ADAM10: variants seen among roughly 807,000 people sequenced by gnomAD.
ADAM10 encodes disintegrin and metalloproteinase domain-containing protein 10.
A neutral mutation model predicts 90.1 loss-of-function variants in ADAM10; 17 were observed. The observed-to-expected ratio is 0.19, with a 90% CI of 0.13 to 0.28. The LOEUF is 0.28. Ranked by LOEUF, ADAM10 falls within the 10% of genes least tolerant of loss-of-function variation. The pLI, the probability that ADAM10 is intolerant of heterozygous loss-of-function variation, is 1.00. For synonymous variants in ADAM10, 310 were observed against 298.6 expected (o/e 1.04, Z -0.40); for missense variants, 610 against 914.3 (o/e 0.67, Z 4.29).
chr15:58,695,488 TAC>T (rs1897950703), intron 2 of ADAM10, among the ~76,000 whole-genome samples: 2 of 152,186 alleles, frequency 1.3e-5, no homozygotes, highest in African/African-American at 2.4e-5. Flanking sequence ...TTTACACATT[TAC>T]AGTTACTATA....
At chr15:58,694,280 G>T (rs1024614494) in intron 2 of ADAM10, among the ~76,000 whole-genome samples, 1 of 152,088 alleles carries the variant, frequency 6.6e-6, no homozygotes, top group Non-Finnish European at 1.5e-5. Flanking sequence ...TTGAAACCCC[G>T]TCTGTACTAA....
intron 14 of ADAM10, among the ~76,000 whole-genome samples, chr15:58,607,421 C>T (rs1427568492): frequency 6.6e-6 from 1 of 152,094 alleles, no homozygotes; most frequent in African/African-American, 2.4e-5. Context: ...GAAGTTTAAA[C>T]GATTTATTTA....
chr15:58,665,317 G>T, intron 4 of ADAM10, 120 bp from the exon 5 acceptor site: 1 of 825,976 alleles, frequency 1.2e-6, no homozygotes, highest in Non-Finnish European at 2.1e-6. Flanking sequence ...TGCTTATTAA[G>T]CACCTATGGA....
At chr15:58,636,314 G>T (rs1338520347) in intron 8 of ADAM10, among the ~76,000 whole-genome samples, 1 of 151,838 alleles carries the variant, frequency 6.6e-6, no homozygotes, top group African/African-American at 2.4e-5. Context: ...TTTGTTGCAG[G>T]CTAATAGCAT....
chr15:58,674,188 C>T (rs1483146539), intron 4 of ADAM10, among the ~76,000 whole-genome samples: 1 of 152,114 alleles, frequency 6.6e-6, no homozygotes, highest in East Asian at 1.9e-4. Flanking sequence ...ATTTATACTT[C>T]CCAAGAGATT....
At chr15:58,676,164 A>T in intron 4 of ADAM10, 1 of 387,454 alleles carries the variant, frequency 2.6e-6, no homozygotes. Flanking sequence ...AAGCCCCAGA[A>T]ATCCTTGAAG....
Position 58,688,690 on chromosome 15 carries a change from A to T in ADAM10, c.207-6376T>A, listed in dbSNP as rs541412791. Among the ~76,000 whole-genome samples, 89 of 149,340 alleles carry T rather than the reference A, an allele frequency of 6.0e-4. 1 individual carries two copies. Among genetic ancestry groups the T allele is most frequent in the Non-Finnish European group, 1.1e-3 (77 of 67,480 alleles). ...AGGGAAGGGGAGGGACAGGGAAGAG[A>T]GGAGAGAGGGAAAGGAATGAGAGGG... On this transcript the variant is annotated intron_variant, in intron 2 of 15. Coordinates refer to ENST00000260408, the MANE Select transcript of ADAM10 (RefSeq NM_001110.4).
chr15:58,605,256 C>T (rs1895236887), intron 14 of ADAM10, among the ~76,000 whole-genome samples: 2 of 152,154 alleles, frequency 1.3e-5, no homozygotes, highest in Admixed American at 6.5e-5. Flanking sequence ...TGGCTTTCTT[C>T]TAAATTTTTT....
At chr15:58,667,107 C>T (rs1266165036) in intron 4 of ADAM10, among the ~76,000 whole-genome samples, 2 of 152,076 alleles carry the variant, frequency 1.3e-5, no homozygotes, top group African/African-American at 4.8e-5. Context: ...CACTGTAGTT[C>T]CCCTGAAAAG....
At position 58,596,499 on chromosome 15, in the gene ADAM10, T is replaced by G. The variant is rs1894954952; in HGVS notation, c.*1048A>C. ...TTACCAATGATCAGTGATGATATGC[T>G]GAAAAAACCGTTTAAATATTTTGAT... is the stretch of plus-strand genomic sequence containing the variant. On this transcript the variant is annotated 3_prime_UTR_variant, in exon 16 of 16. Coordinates refer to ENST00000260408, the MANE Select transcript of ADAM10 (RefSeq NM_001110.4). 6.6e-6 allele frequency: 1 copy of G among 152,654 alleles called. No individual in the cohort carries two copies. Among genetic ancestry groups the G allele is most frequent in the Admixed American group, 6.5e-5 (1 of 15,290 alleles). 9.5% of individuals were successfully genotyped at this position (152,654 alleles called of 1,614,324 possible).
intron 2 of ADAM10, chr15:58,691,235 C>T (rs1283288010): frequency 1.1e-6 from 1 of 905,196 alleles, no homozygotes; most frequent in East Asian, 2.5e-5. Context: ...CGTTGCTCTC[C>T]TCCATTATCT....
At chr15:58,626,760 A>G (rs924265575) in intron 10 of ADAM10, among the ~76,000 whole-genome samples, 1 of 152,204 alleles carries the variant, frequency 6.6e-6, no homozygotes, top group East Asian at 1.9e-4. Flanking sequence ...GAATAGGCCA[A>G]TTCATAAAGA....
intron 11 of ADAM10, among the ~76,000 whole-genome samples, chr15:58,618,721 G>T (rs1391263768): frequency 6.6e-6 from 1 of 151,952 alleles, no homozygotes; most frequent in Non-Finnish European, 1.5e-5. Context: ...TTTTTCAAAA[G>T]AAGACATATA....
At position 58,675,152 on chromosome 15, in the gene ADAM10, G is replaced by A. The variant is rs144179564; in HGVS notation, c.484+3972C>T. ...GGCGGAGGTTGCAGTGAGCTGAGATGGCACCACTGCACTCCAGCCTGGGCG... is the reference window on the plus strand; with the variant it reads ...GGCGGAGGTTGCAGTGAGCTGAGATAGCACCACTGCACTCCAGCCTGGGCG... On this transcript the variant is annotated intron_variant, in intron 4 of 15. Coordinates refer to ENST00000260408, the MANE Select transcript of ADAM10 (RefSeq NM_001110.4). Among the ~76,000 whole-genome samples, 210 of 152,232 alleles carry A rather than the reference G, an allele frequency of 1.4e-3. 1 individual carries two copies. The East Asian group carries it at 0.034, about 25-fold the overall frequency.
chr15:58,673,582 A>C (rs1897247168), intron 4 of ADAM10, among the ~76,000 whole-genome samples: 1 of 151,566 alleles, frequency 6.6e-6, no homozygotes, highest in Non-Finnish European at 1.5e-5. Flanking sequence ...TATATAACTA[A>C]TCAGAAAAGA....
intron 4 of ADAM10, among the ~76,000 whole-genome samples, chr15:58,668,798 T>G (rs757514286): frequency 2.6e-5 from 4 of 152,180 alleles, no homozygotes; most frequent in Non-Finnish European, 5.9e-5. Flanking sequence ...AAATACTTGT[T>G]GAATTTAATT....
At position 58,591,533 on chromosome 15, in the gene ADAM10, G is replaced by A. The variant is rs1211223009; in HGVS notation, c.*6014C>T. ...CCACCTTGGCCTCCCAAAGTGTTGG[G>A]ATTACAGGTATGAGCCATCACAACT... On this transcript the variant is annotated 3_prime_UTR_variant, in exon 16 of 16. Transcript: ENST00000260408. 1 of 152,024 alleles carries A rather than the reference G, an allele frequency of 6.6e-6. No homozygotes were observed. Among genetic ancestry groups the A allele is most frequent in the Non-Finnish European group, 1.5e-5 (1 of 68,006 alleles). 9.4% of individuals were successfully genotyped at this position (152,024 alleles called of 1,614,324 possible).
At chr15:58,601,563 C>T (rs1895111718) in intron 14 of ADAM10, among the ~76,000 whole-genome samples, 1 of 151,722 alleles carries the variant, frequency 6.6e-6, no homozygotes, top group Admixed American at 6.6e-5. Flanking sequence ...AACATTTTAG[C>T]ATATAATTTC....
At chr15:58,688,786 A>ATATATATATATATCTCTCTCTCTC in intron 2 of ADAM10, among the ~76,000 whole-genome samples, 2 of 122,378 alleles carry the variant, frequency 1.6e-5, no homozygotes, top group African/African-American at 7.2e-5. Flanking sequence ...ATATATATAT[A>ATATATATATATATCTCTCTCTCTC]TCTCTCTCTC....
Sources: allele counts gnomAD v4.1 joint callset (sites outside exome capture counted in the v4.1 genomes callset), GRCh38; gene constraint gnomAD v4.1.1; transcripts MANE v1.5; gene names NCBI Gene and HGNC (gene_info 2026-07-23, HGNC 2026-07-21).